TMEM132D: variants seen among roughly 807,000 people sequenced by gnomAD.
TMEM132D encodes transmembrane protein 132D.
TMEM132D carries 21 observed loss-of-function variants against 62.3 expected under a neutral mutation model. That is an observed-to-expected ratio of 0.34 (90% CI 0.24 to 0.49). TMEM132D has a LOEUF of 0.49. Among genes scored for constraint, TMEM132D ranks in the 20% least tolerant of loss-of-function variants. The pLI is 0.99. For missense variants in TMEM132D, 1,346 were observed against 1,402.8 expected, an observed-to-expected ratio of 0.96 and a Z score of 0.65; for synonymous variants, 621 against 575.6, an observed-to-expected ratio of 1.08 and a Z score of -1.13.
intron 1 of TMEM132D, among the ~76,000 whole-genome samples, chr12:129,761,332 GCAC>G (rs145011743): frequency 0.014 from 2,137 of 152,218 alleles, 50 homozygotes; most frequent in African/African-American, 0.048. Context: ...GGCGGGTGCA[GCAC>G]CACGATGGAT....
intron 3 of TMEM132D, among the ~76,000 whole-genome samples, chr12:129,498,205 C>T (rs1875018468): frequency 6.6e-6 from 1 of 152,094 alleles, no homozygotes; most frequent in Non-Finnish European, 1.5e-5. Flanking sequence ...GAATGAAGAA[C>T]TGCAGGGGTT....
chr12:129,115,098 T>C lies in TMEM132D; in HGVS notation c.1444-30396A>G, dbSNP rs541700861. 6.4e-4 allele frequency among the ~76,000 whole-genome samples: 97 copies of C among 152,224 alleles called. 1 individual carries two copies. Among genetic ancestry groups the C allele is most frequent in the Non-Finnish European group, 1.1e-3 (78 of 68,036 alleles). ...CCTCTTTTATTTTCACTCAAGCTGC[T>C]TTATTTCTGCAAAAGTGCCCAGAGC... On this transcript the variant is annotated intron_variant, in intron 5 of 8. Transcript: ENST00000422113.
intron 1 of TMEM132D, among the ~76,000 whole-genome samples, chr12:129,780,745 A>G (rs1871096500): frequency 2.0e-5 from 3 of 152,178 alleles, no homozygotes; most frequent in Admixed American, 2.0e-4. Flanking sequence ...CCTGAAAAGG[A>G]CCTCAGGGCC....
At chr12:129,816,339 A>G (rs1872344875) in intron 1 of TMEM132D, among the ~76,000 whole-genome samples, 1 of 152,204 alleles carries the variant, frequency 6.6e-6, no homozygotes, top group East Asian at 1.9e-4. Flanking sequence ...TACACAATAA[A>G]TTCTGGTGAA....
chr12:129,321,441 G>A (rs1261164635), intron 4 of TMEM132D, among the ~76,000 whole-genome samples: 1 of 152,180 alleles, frequency 6.6e-6, no homozygotes, highest in Non-Finnish European at 1.5e-5. Context: ...TCGTTATTCA[G>A]AAAGCTTCTA....
chr12:129,316,305 A>G (rs760372860), intron 4 of TMEM132D, among the ~76,000 whole-genome samples: 5 of 152,178 alleles, frequency 3.3e-5, no homozygotes, highest in Non-Finnish European at 7.4e-5. Flanking sequence ...TCCTCTTAGC[A>G]CTGCCTTTGC....
rs1881361873 is a variant in TMEM132D, at chr12:129,700,539, T to C, written c.239A>G (p.Glu80Gly). 1 of 1,613,898 alleles carries C rather than the reference T, an allele frequency of 6.2e-7. No homozygotes were observed. Among genetic ancestry groups the C allele is most frequent in the Non-Finnish European group, 8.5e-7 (1 of 1,180,018 alleles). Residue 80 changes from glutamate (E) to glycine (G), a missense_variant, in exon 2 of 9, where the codon GAG becomes GGG. By Grantham distance (98) the Glu-to-Gly change is moderately conservative. Coordinates refer to ENST00000422113, the MANE Select transcript of TMEM132D (RefSeq NM_133448.3). ...CCTGGATTTGTAAATCAGAAATGAC[T>C]CCACCCGGGACTGCAGGCTGGAGTT... is the stretch of plus-strand genomic sequence containing the variant. ...MRNSSLQSRV[E>G]SFLIYKSRRL...
intron 2 of TMEM132D, among the ~76,000 whole-genome samples, chr12:129,685,585 A>G (rs1259587547): frequency 6.6e-6 from 1 of 152,230 alleles, no homozygotes; most frequent in East Asian, 1.9e-4. Flanking sequence ...AAGGCAGTGC[A>G]GAAGGAAATG....
chr12:129,832,032 GCTCTTTT>G (rs1467077328), intron 1 of TMEM132D, among the ~76,000 whole-genome samples: 2 of 94,944 alleles, frequency 2.1e-5, no homozygotes, highest in Non-Finnish European at 4.3e-5. Flanking sequence ...ACCATGCCCG[GCTCTTTT>G]TTTTTTTTTT....
Position 129,429,362 on chromosome 12 carries a change from T to C in TMEM132D, c.1116-91545A>G, listed in dbSNP as rs183386486. On this transcript the variant is annotated intron_variant, in intron 3 of 8. Transcript: ENST00000422113. Reference sequence around the variant, plus strand: ...GGATTTAATAGAGGAAATTGCTTTATAGTTTTTTGTTTGTTTGTTTGTTTG... The same window carrying C: ...GGATTTAATAGAGGAAATTGCTTTACAGTTTTTTGTTTGTTTGTTTGTTTG... Among the ~76,000 whole-genome samples the C allele has an allele frequency of 1.9e-4, 29 of 149,202 alleles. 1 individual carries two copies. The East Asian group carries it at 5.2e-3, about 27-fold the overall frequency.
intron 1 of TMEM132D, among the ~76,000 whole-genome samples, chr12:129,746,704 A>G (rs1869790616): frequency 6.6e-6 from 1 of 152,128 alleles, no homozygotes; most frequent in Admixed American, 6.5e-5. Context: ...TTTGGTGATA[A>G]GGGTAAAACC....
chr12:129,317,189 G>GT (rs1277902544), intron 4 of TMEM132D, among the ~76,000 whole-genome samples: 3 of 151,926 alleles, frequency 2.0e-5, no homozygotes, highest in Admixed American at 1.3e-4. Context: ...GTGTACTTTG[G>GT]TTTTTTGTTG....
intron 1 of TMEM132D, among the ~76,000 whole-genome samples, chr12:129,817,850 GTA>G (rs2137321842): frequency 6.7e-6 from 1 of 148,990 alleles, no homozygotes. Context: ...GGGTGTGTGT[GTA>G]TGTGGTGTGA....
intron 5 of TMEM132D, among the ~76,000 whole-genome samples, chr12:129,193,606 A>G (rs143178088): frequency 1.1e-3 from 166 of 152,378 alleles, no homozygotes; most frequent in African/African-American, 3.7e-3. Context: ...TAAAAAGTCA[A>G]TTTAACTGGA....
chr12:129,720,392 G>A (rs1165198176), intron 1 of TMEM132D, among the ~76,000 whole-genome samples: 3 of 152,098 alleles, frequency 2.0e-5, no homozygotes, highest in South Asian at 2.1e-4. Flanking sequence ...AACCTGCCCA[G>A]TATTGCTTGG....
chr12:129,453,192 C>T (rs1257099569), intron 3 of TMEM132D, among the ~76,000 whole-genome samples: 1 of 152,126 alleles, frequency 6.6e-6, no homozygotes, highest in Non-Finnish European at 1.5e-5. Flanking sequence ...CTCTGCAGTC[C>T]ACGGAAAAAT....
chr12:129,250,308 A>G (rs1880231916), intron 4 of TMEM132D, among the ~76,000 whole-genome samples: 1 of 152,242 alleles, frequency 6.6e-6, no homozygotes, highest in African/African-American at 2.4e-5. Context: ...TTTTATGCAG[A>G]TACGTTCTAG....
chr12:129,418,093 T>C (rs1429445977), intron 3 of TMEM132D, among the ~76,000 whole-genome samples: 1 of 152,212 alleles, frequency 6.6e-6, no homozygotes, highest in Non-Finnish European at 1.5e-5. Flanking sequence ...ACTTTTACAC[T>C]GTTGGTGGAA....
intron 4 of TMEM132D, among the ~76,000 whole-genome samples, chr12:129,253,240 G>GAAA (rs71072458): frequency 2.1e-5 from 3 of 143,594 alleles, no homozygotes; most frequent in Admixed American, 7.0e-5. Flanking sequence ...TGTGATAATT[G>GAAA]AAAAAAAAAA....
Sources: allele counts gnomAD v4.1 joint callset (sites outside exome capture counted in the v4.1 genomes callset), GRCh38; gene constraint gnomAD v4.1.1; transcripts MANE v1.5; gene names NCBI Gene and HGNC (gene_info 2026-07-23, HGNC 2026-07-21).